Variants in SMURF1 observed in about 807,000 individuals in gnomAD.
The protein encoded by SMURF1 is SMAD specific E3 ubiquitin protein ligase 1.
In SMURF1, 44 loss-of-function variants were observed where a neutral mutation model predicts 98.0. The ratio of observed to expected loss-of-function variants is 0.45; its 90% confidence interval spans 0.35 to 0.58. The LOEUF is 0.58. Ranked by LOEUF, SMURF1 falls within the 20% of genes least tolerant of loss-of-function variation. SMURF1 has a pLI of 0.00. For missense variants in SMURF1, 687 were observed against 938.4 expected (o/e 0.73, Z 3.50); for synonymous variants, 396 against 374.9 (o/e 1.06, Z -0.65).
chr7:99,040,266 TCA>T (rs941700762), intron 13 of SMURF1, 110 bp downstream of exon 13: 1 of 1,166,542 alleles, frequency 8.6e-7, no homozygotes. Context: ...TACAATGGCT[TCA>T]CACACATCCC....
Position 99,042,110 on chromosome 7 carries a change from ATACT to A in SMURF1, c.1371+4_1371+7del. 1 of 1,603,686 alleles carries A rather than the reference ATACT, an allele frequency of 6.2e-7. No homozygotes were observed. The highest frequency in any genetic ancestry group is 8.5e-7 in the Non-Finnish European group (1 of 1,171,022). On this transcript the variant is annotated splice_donor_5th_base_variant and intron_variant, in intron 12 of 17. Coordinates refer to ENST00000361368, the MANE Select transcript of SMURF1 (RefSeq NM_181349.3). ...CAATTCCCTACCTCTTTGTTCATTC[ATACT>A]TACGGGGTTGATTGAAGAATCCGGA...
rs903238574 is a variant in SMURF1, at chr7:99,107,691, C to T, written c.55+36035G>A. On this transcript the variant is annotated intron_variant, in intron 1 of 17. Transcript: ENST00000361368. ...GGGTTACCCTGCACTAAACAGCATA[C>T]AGTTACAGGAAGCAAGAAATATTAA... Among the ~76,000 whole-genome samples, 6 of 152,334 alleles carry T rather than the reference C, an allele frequency of 3.9e-5. No homozygotes were observed. In the South Asian group the frequency reaches 1.2e-3, roughly 32 times the overall value.
intron 1 of SMURF1, among the ~76,000 whole-genome samples, chr7:99,090,005 G>A (rs1796774464): frequency 6.6e-6 from 1 of 152,138 alleles, no homozygotes; most frequent in Non-Finnish European, 1.5e-5. Flanking sequence ...GCATTTAAAA[G>A]AAAAGGACTT....
chr7:99,135,066 T>G (rs1238325015), intron 1 of SMURF1, among the ~76,000 whole-genome samples: 1 of 152,218 alleles, frequency 6.6e-6, no homozygotes, highest in African/African-American at 2.4e-5. Context: ...CTTATAAATA[T>G]GAGTATGTAC....
intron 1 of SMURF1, among the ~76,000 whole-genome samples, chr7:99,129,786 G>A (rs1362111354): frequency 1.3e-5 from 2 of 152,188 alleles, no homozygotes; most frequent in South Asian, 4.1e-4. Flanking sequence ...ATTCCACCTT[G>A]CTGATTCCAC....
intron 1 of SMURF1, among the ~76,000 whole-genome samples, chr7:99,087,309 C>A (rs1467615730): frequency 6.6e-6 from 1 of 152,016 alleles, no homozygotes; most frequent in Non-Finnish European, 1.5e-5. Flanking sequence ...TGCTTGAGCC[C>A]AGGAGGTCAA....
intron 12 of SMURF1, among the ~76,000 whole-genome samples, chr7:99,040,885 T>TGACACTGCAGGGCCTC (rs1795350065): frequency 6.6e-6 from 1 of 152,088 alleles, no homozygotes; most frequent in Admixed American, 6.5e-5. Context: ...CCCAGGGCCT[T>TGACACTGCAGGGCCTC]GACACTGCAG....
chr7:99,111,769 T>C (rs1382610872), intron 1 of SMURF1, among the ~76,000 whole-genome samples: 1 of 152,216 alleles, frequency 6.6e-6, no homozygotes. Flanking sequence ...AGGTACCTAG[T>C]ACCACAGGGA....
At chr7:99,052,132 C>CAA (rs371032343) in intron 7 of SMURF1, 73 bp downstream of exon 7, 3,264 of 1,304,004 alleles carry the variant, frequency 2.5e-3, no homozygotes, top group South Asian at 6.1e-3. Flanking sequence ...GACCTTGTCT[C>CAA]AAAAAAAAAA....
At position 99,037,089 on chromosome 7, in the gene SMURF1, G is replaced by C. The variant is rs755125606; in HGVS notation, c.1787C>G (p.Pro596Arg). ...NELIPQHLLK[P>R]FDQKELELII... is the part of the protein sequence containing the mutation. ...TACCTCCAGTTCCTTCTGGTCAAAA[G>C]GCTTCAGCAGATGTTGAGGGATGAG... The change falls in exon 15 of 18, where the codon CCT becomes CGT. Residue 596 changes from proline to arginine, a missense_variant. By Grantham distance (103) the Pro-to-Arg change is moderately radical. Coordinates refer to ENST00000361368, the MANE Select transcript of SMURF1 (RefSeq NM_181349.3). The C allele has an allele frequency of 6.2e-7, 1 of 1,614,040 alleles. No individual in the cohort carries two copies. The highest frequency in any genetic ancestry group is 8.5e-7 in the Non-Finnish European group (1 of 1,180,026).
At chr7:99,048,123 C>T in intron 9 of SMURF1, 2 of 464,360 alleles carry the variant, frequency 4.3e-6, no homozygotes, top group Non-Finnish European at 7.9e-6. Context: ...CGTGGTGGCT[C>T]AAGCCTGTAA....
intron 6 of SMURF1, 54 bp from the exon 7 acceptor site, chr7:99,052,500 C>T (rs1795783792): frequency 1.4e-6 from 2 of 1,465,138 alleles, no homozygotes; most frequent in Admixed American, 5.0e-5. Flanking sequence ...AGTCACAAGA[C>T]CAGCGCCTTA....
In SMURF1 at chr7:99,030,661, G is replaced by A. The variant is rs1319463252; in HGVS notation, c.2119C>T (p.Pro707Ser). The A allele has an allele frequency of 6.2e-7, 1 of 1,614,088 alleles. No homozygotes were observed. Among genetic ancestry groups the A allele is most frequent in the Non-Finnish European group, 8.5e-7 (1 of 1,180,000 alleles). Reference sequence around the variant, plus strand: ...TAGAGCTTCTCATAGGACTCATATGGTGGAATGTCGATCCGGTTAAAGCTG... The same window carrying A: ...TAGAGCTTCTCATAGGACTCATATGATGGAATGTCGATCCGGTTAAAGCTG... ...HTCFNRIDIPPYESYEKLYEK... is the reference protein window; with the variant it reads ...HTCFNRIDIPSYESYEKLYEK... Residue 707 changes from proline (P) to serine (S), a missense_variant, in exon 18 of 18, where the codon CCA becomes TCA. Physicochemically the swap from Pro to Ser is moderately conservative, Grantham distance 74. Around this residue, in one of 2 missense-constraint regions of SMURF1, gnomAD observed 272 missense variants for 430.0 expected, o/e 0.63. Coordinates refer to ENST00000361368, the MANE Select transcript of SMURF1 (RefSeq NM_181349.3).
At chr7:99,085,423 G>A (rs973614165) in intron 1 of SMURF1, among the ~76,000 whole-genome samples, 2 of 151,288 alleles carry the variant, frequency 1.3e-5, no homozygotes, top group Admixed American at 1.3e-4. Flanking sequence ...CTCCTCAGAA[G>A]CCGTCATGCT....
At chr7:99,032,831 A>T (rs1307752840) in intron 17 of SMURF1, 1 of 740,674 alleles carries the variant, frequency 1.4e-6, no homozygotes, top group Non-Finnish European at 2.3e-6. Flanking sequence ...GTCGGGGGGA[A>T]AGTCTCTTGC....
At chr7:99,040,072 G>A (rs1279640005) in intron 13 of SMURF1, among the ~76,000 whole-genome samples, 1 of 152,060 alleles carries the variant, frequency 6.6e-6, no homozygotes, top group Non-Finnish European at 1.5e-5. Context: ...AGAGAAACCT[G>A]CCCAACATCA....
intron 1 of SMURF1, among the ~76,000 whole-genome samples, chr7:99,074,605 C>T (rs562543283): frequency 1.3e-5 from 2 of 152,076 alleles, no homozygotes; most frequent in South Asian, 4.2e-4. Flanking sequence ...AACTAGATAC[C>T]ATTAGGAAAA....
intron 1 of SMURF1, chr7:99,081,469 C>G (rs947828672): frequency 6.6e-6 from 1 of 152,168 alleles, no homozygotes; most frequent in Non-Finnish European, 1.5e-5. Context: ...TAGACATATA[C>G]TTAATTCTCT....
intron 8 of SMURF1, chr7:99,050,951 T>C: frequency 6.4e-7 from 1 of 1,551,010 alleles, no homozygotes; most frequent in Non-Finnish European, 8.7e-7. Context: ...AAGGAATTCG[T>C]ATAGAAAAGC....
Sources: gnomAD v4.1 joint callset for allele counts (sites outside exome capture counted in the v4.1 genomes callset) on GRCh38, gnomAD v4.1.1 for gene constraint, gnomAD v4.1.1 regional missense constraint, MANE v1.5 for transcripts, NCBI Gene and HGNC (gene_info 2026-07-23, HGNC 2026-07-21) for gene names.